Variants in MYO7B observed in about 807,000 individuals in gnomAD.
The protein encoded by MYO7B is myosin VIIB.
A neutral mutation model predicts 259.7 loss-of-function variants in MYO7B; 212 were observed. The ratio of observed to expected loss-of-function variants is 0.82; its 90% CI spans 0.73 to 0.91. MYO7B has a LOEUF of 0.91. MYO7B is among the 40% of genes least tolerant of loss of function. The pLI is 0.00. For missense variants in MYO7B, 2,732 were observed against 2,813.5 expected (o/e 0.97, Z 0.66); for synonymous variants, 1,197 against 1,166.4 (o/e 1.03, Z -0.54).
intron 1 of MYO7B, among the ~76,000 whole-genome samples, chr2:127,541,263 C>T (rs1049584887): frequency 1.3e-5 from 2 of 152,084 alleles, no homozygotes; most frequent in Admixed American, 1.3e-4. Context: ...CCAGGGCTGT[C>T]CCCACAGTGA....
chr2:127,620,196 G>A, intron 26 of MYO7B, 144 bp from the exon 27 acceptor site: 1 of 898,304 alleles, frequency 1.1e-6, no homozygotes, highest in East Asian at 2.6e-5. Flanking sequence ...GAGAGAGGAG[G>A]AGGCTGGGCA....
At position 127,633,295 on chromosome 2, in the gene MYO7B, G is replaced by A. The variant is rs374224375; in HGVS notation, c.5443G>A (p.Val1815Met). 5 of 1,612,652 alleles carry A rather than the reference G, an allele frequency of 3.1e-6. No individual in the cohort carries two copies. The stretch of plus-strand genomic sequence containing the variant: ...GAAGCAGCCCCCGCACCAGGTGGAG[G>A]TGGAGGCCGCAGAGCAGAACGTCTC... Reference protein sequence around the residue: ...PRKQPPHQVEVEAAEQNVSRI... With the variant: ...PRKQPPHQVEMEAAEQNVSRI... Residue 1815 changes from valine to methionine, a missense_variant, in exon 40 of 48, where the codon GTG becomes ATG. Physicochemically the swap from Val to Met is conservative, Grantham distance 21. Coordinates refer to ENST00000409816, the MANE Select transcript of MYO7B (RefSeq NM_001393586.1).
chr2:127,635,920 G>A lies in MYO7B; in HGVS notation c.6006+13G>A, dbSNP rs200658907. ...GGAGTGGAAAAAGGTCCCTGGTCGG[G>A]CTGGGGAAGGGTTCTTGTGCTGCTG... On this transcript the variant is annotated intron_variant, in intron 44 of 47. Transcript: ENST00000409816. 5 of 1,557,966 alleles carry A rather than the reference G, an allele frequency of 3.2e-6. No homozygotes were observed. The highest frequency in any genetic ancestry group is 1.4e-5 in the African/African-American group (1 of 73,374).
chr2:127,544,350 T>C (rs974640166), intron 1 of MYO7B, among the ~76,000 whole-genome samples: 11 of 152,218 alleles, frequency 7.2e-5, no homozygotes, highest in African/African-American at 4.8e-5. Flanking sequence ...CATTTGAAAC[T>C]GCCAATATGT....
Position 127,584,350 on chromosome 2 carries a change from C to T in MYO7B, c.1554+18C>T. On this transcript the variant is annotated intron_variant, in intron 13 of 47. Transcript: ENST00000409816. The surrounding 1 kb of genome is among the most constrained non-coding windows in gnomAD (Gnocchi z 5.8). ...TCCCGCAGGTGTGTGTTCGGGCCTG[C>T]CGACCTTCTGGTGGAGGCCCTGCTA... 6.2e-7 allele frequency: 1 copy of T among 1,612,428 alleles called. No individual in the cohort carries two copies. Among genetic ancestry groups the T allele is most frequent in the Non-Finnish European group, 8.5e-7 (1 of 1,178,692 alleles).
At chr2:127,562,384 C>T (rs1273276377) in intron 2 of MYO7B, among the ~76,000 whole-genome samples, 1 of 152,046 alleles carries the variant, frequency 6.6e-6, no homozygotes, top group Non-Finnish European at 1.5e-5. Context: ...GCAACCTCCA[C>T]CTCTCAGATT....
intron 14 of MYO7B, among the ~76,000 whole-genome samples, chr2:127,587,798 A>G (rs540683321): frequency 1.3e-5 from 2 of 151,456 alleles, no homozygotes; most frequent in Admixed American, 1.3e-4. Flanking sequence ...CGAACTCCTG[A>G]CCTTGTGATC....
rs1350061682 is a variant in MYO7B at position 127,593,605 on chromosome 2, C to G, written c.2205C>G (p.Asp735Glu). Residue 735 changes from aspartate (D) to glutamate (E), a missense_variant, in exon 18 of 48, where the codon GAC becomes GAG. This residue lies in a region of MYO7B where 1,906 missense variants were observed against 2,026.4 expected (regional missense o/e 0.94). Transcript: ENST00000409816. ...TCACTGACGTGTGGCTGCGGACAGA[C>G]AAAGACTGGAAAGCGGGGAAGACAA... Reference protein sequence around the residue: ...LGITDVWLRTDKDWKAGKTKI... With the variant: ...LGITDVWLRTEKDWKAGKTKI... 2 of 1,613,616 alleles carry G rather than the reference C, an allele frequency of 1.2e-6. No homozygotes were observed. Among genetic ancestry groups the G allele is most frequent in the Non-Finnish European group, 1.7e-6 (2 of 1,179,852 alleles).
In MYO7B at chr2:127,611,133, G is replaced by T. The variant is rs919318696; in HGVS notation, c.3192+1117G>T. On this transcript the variant is annotated intron_variant, in intron 24 of 47. Transcript: ENST00000409816. This position sits in a 1 kb window ranked among gnomAD's most constrained non-coding sequence, Gnocchi z 5.4. ...AGAGGGCTCACTCACATGGCTGTTG[G>T]TGGGAGGCCTCAGTTCCTTGTCATG... is the stretch of plus-strand genomic sequence containing the variant. Among the ~76,000 whole-genome samples, 2 of 152,244 alleles carry T rather than the reference G, an allele frequency of 1.3e-5. No individual in the cohort carries two copies.
intron 42 of MYO7B, 91 bp downstream of exon 42, chr2:127,634,774 C>A: frequency 8.2e-7 from 1 of 1,218,336 alleles, no homozygotes; most frequent in Non-Finnish European, 1.2e-6. Context: ...CCCATTCATC[C>A]ATCCATTCGT....
chr2:127,637,239 A>C, intron 47 of MYO7B, 77 bp from the exon 48 acceptor site: 1 of 1,127,022 alleles, frequency 8.9e-7, no homozygotes, highest in Non-Finnish European at 1.3e-6. Flanking sequence ...GCTGAGGAAG[A>C]GAAGGTGGTC....
Position 127,611,200 on chromosome 2 carries a change from G to C in MYO7B, c.3193-1050G>C, listed in dbSNP as rs546046224. 6.6e-6 allele frequency among the ~76,000 whole-genome samples: 1 copy of C among 152,358 alleles called. No homozygotes were observed. The highest frequency in any genetic ancestry group is 2.4e-5 in the African/African-American group (1 of 41,588). On this transcript the variant is annotated intron_variant, in intron 24 of 47. Transcript: ENST00000409816. The surrounding 1 kb of genome is among the most constrained non-coding windows in gnomAD (Gnocchi z 5.4). ...GCTGCCTGGGCATCCTCACAACATGGCTTCCCTCAACATGAGTGATCCAAG... is the reference window on the plus strand; with the variant it reads ...GCTGCCTGGGCATCCTCACAACATGCCTTCCCTCAACATGAGTGATCCAAG...
At position 127,576,707 on chromosome 2, in the gene MYO7B, T is replaced by C. The variant is rs1678881939; in HGVS notation, c.848T>C (p.Met283Thr). 1.3e-6 allele frequency: 2 copies of C among 1,589,410 alleles called. No individual in the cohort carries two copies. Among genetic ancestry groups the C allele is most frequent in the Non-Finnish European group, 1.7e-6 (2 of 1,160,160 alleles). Residue 283 changes from methionine to threonine, a missense_variant and splice_region_variant, in exon 8 of 48, where the codon ATG (methionine) becomes ACG (threonine). Coordinates refer to ENST00000409816, the MANE Select transcript of MYO7B (RefSeq NM_001393586.1). This position sits in a 1 kb window ranked among gnomAD's most constrained non-coding sequence, Gnocchi z 4.9. ...CCCTCCGAGTACCACTACCTGACCA[T>C]GGTGAGCTGCCCACCTGCCGCCTCC... ...GTPSEYHYLTMGNCTSCEGLN... is the reference protein window; with the variant it reads ...GTPSEYHYLTTGNCTSCEGLN...
intron 1 of MYO7B, among the ~76,000 whole-genome samples, chr2:127,558,815 C>G (rs975777624): frequency 2.0e-5 from 3 of 152,158 alleles, no homozygotes; most frequent in African/African-American, 7.2e-5. Flanking sequence ...ATCGTATGTT[C>G]TCACTCATAA....
chr2:127,623,983 C>A, intron 29 of MYO7B, 110 bp from the exon 30 acceptor site: 1 of 1,038,620 alleles, frequency 9.6e-7, no homozygotes, highest in Non-Finnish European at 1.4e-6. Context: ...CCACGCTGGG[C>A]TCCAAGGGCC....
chr2:127,606,763 C>T (rs1206552499), intron 20 of MYO7B, among the ~76,000 whole-genome samples: 1 of 152,226 alleles, frequency 6.6e-6, no homozygotes, highest in Admixed American at 6.5e-5. Context: ...CCATTTATTA[C>T]TGCACTTTTA....
chr2:127,607,293 C>A lies in MYO7B; in HGVS notation c.2512C>A (p.Gln838Lys), dbSNP rs754327367. The change falls in exon 21 of 48, where the codon CAG becomes AAG. Residue 838 changes from glutamine (Q) to lysine (K), a missense_variant. By Grantham distance (53) the Gln-to-Lys change is moderately conservative (BLOSUM62 1). Coordinates refer to ENST00000409816, the MANE Select transcript of MYO7B (RefSeq NM_001393586.1). The surrounding 1 kb of genome is among the most constrained non-coding windows in gnomAD (Gnocchi z 4.4). ...QYQAMRQRTVQLQALCRGYLV... is the reference protein window; with the variant it reads ...QYQAMRQRTVKLQALCRGYLV... ...CCAGGCCATGCGGCAGAGGACAGTC[C>A]AGCTGCAGGCCCTGTGCAGGGGATA... 1.9e-6 allele frequency: 3 copies of A among 1,551,326 alleles called. No homozygotes were observed. In the South Asian group the frequency reaches 3.6e-5, roughly 18 times the overall value.
intron 26 of MYO7B, among the ~76,000 whole-genome samples, chr2:127,617,724 G>C (rs1441769732): frequency 6.7e-6 from 1 of 149,878 alleles, no homozygotes; most frequent in South Asian, 2.1e-4. Context: ...GGATGGTCTC[G>C]ATCTCCTGAC....
Position 127,559,736 on chromosome 2 carries a change from G to A in MYO7B, c.14G>A (p.Arg5Lys), listed in dbSNP as rs1677993105. The A allele has an allele frequency of 6.2e-7, 1 of 1,613,978 alleles. No homozygotes were observed. The highest frequency in any genetic ancestry group is 8.5e-7 in the Non-Finnish European group (1 of 1,179,886). ...TGCTGACTCAGGATGTCGGGGTTCAGGCTGGTAAGAATTGTATGATTTGAT... is the reference window on the plus strand; with the variant it reads ...TGCTGACTCAGGATGTCGGGGTTCAAGCTGGTAAGAATTGTATGATTTGAT... MSGFRLGDHVWLEPP... is the reference protein window; with the variant it reads MSGFKLGDHVWLEPP... The change falls in exon 2 of 48, where the codon AGG becomes AAG. Residue 5 changes from arginine (R) to lysine (K), a missense_variant. Transcript: ENST00000409816. This position sits in a 1 kb window ranked among gnomAD's most constrained non-coding sequence, Gnocchi z 4.1.
Sources: allele counts gnomAD v4.1 joint callset (sites outside exome capture counted in the v4.1 genomes callset), GRCh38; gene constraint gnomAD v4.1.1; regional missense constraint gnomAD v4.1.1; non-coding constraint Gnocchi (gnomAD v3.1); transcripts MANE v1.5; gene names NCBI Gene and HGNC (gene_info 2026-07-23, HGNC 2026-07-21).